LAP3: variants seen among roughly 807,000 people sequenced by gnomAD.
LAP3 encodes the protein cytosol aminopeptidase.
A neutral mutation model predicts 58.8 loss-of-function variants in LAP3; 46 were observed. The ratio of observed to expected loss-of-function variants is 0.78; its 90% CI spans 0.62 to 1.00. The LOEUF (loss-of-function observed/expected upper bound fraction) is 1.00. Ranked by LOEUF, LAP3 falls within the 50% of genes least tolerant of loss-of-function variation. The pLI, the probability that LAP3 is intolerant of heterozygous loss-of-function variation, is 0.00. For synonymous variants in LAP3, 257 were observed against 237.7 expected (o/e 1.08, Z -0.75); for missense variants, 615 against 659.1 (o/e 0.93, Z 0.73).
At chr4:17,599,763 C>T (rs1713941136) in intron 10 of LAP3, among the ~76,000 whole-genome samples, 2 of 147,406 alleles carry the variant, frequency 1.4e-5, no homozygotes, top group African/African-American at 2.5e-5. Context: ...GAAATAAAAA[C>T]ATTTTACCAG....
At chr4:17,581,287 C>G (rs1379976533) in intron 2 of LAP3, among the ~76,000 whole-genome samples, 1 of 152,232 alleles carries the variant, frequency 6.6e-6, no homozygotes, top group Non-Finnish European at 1.5e-5. Flanking sequence ...GTTTGAGATT[C>G]ATTCGGTTCA....
In LAP3 at chr4:17,579,845, T is replaced by A. The variant is rs1277410453; in HGVS notation, c.124T>A (p.Ser42Thr). Residue 42 changes from serine to threonine, a missense_variant, in exon 2 of 13, where the codon TCC (serine) becomes ACC (threonine). Physicochemically the swap from Ser to Thr is moderately conservative, Grantham distance 58. Transcript: ENST00000226299. ...MTKGLVLGIY[S>T]KEKEDDVPQF... Reference sequence around the variant, plus strand: ...CCAGGGCCTTGTTTTAGGAATCTATTCCAAAGAAAAAGAAGATGATGTGCC... The same window carrying A: ...CCAGGGCCTTGTTTTAGGAATCTATACCAAAGAAAAAGAAGATGATGTGCC... 6.2e-7 allele frequency: 1 copy of A among 1,608,734 alleles called. No homozygotes were observed. The highest frequency in any genetic ancestry group is 8.5e-7 in the Non-Finnish European group (1 of 1,176,780).
At chr4:17,597,681 C>CA (rs1262016830) in intron 9 of LAP3, among the ~76,000 whole-genome samples, 4 of 152,342 alleles carry the variant, frequency 2.6e-5, no homozygotes, top group African/African-American at 9.6e-5. Flanking sequence ...TGTGTATACA[C>CA]ACGTTTCCAT....
intron 10 of LAP3, among the ~76,000 whole-genome samples, chr4:17,598,988 T>G (rs930457036): frequency 1.3e-5 from 2 of 152,160 alleles, no homozygotes; most frequent in African/African-American, 4.8e-5. Flanking sequence ...TCCACCCGCC[T>G]CAGCCTCCCA....
Position 17,579,846 on chromosome 4 carries a change from C to G in LAP3, c.125C>G (p.Ser42Cys). ...CAGGGCCTTGTTTTAGGAATCTATT[C>G]CAAAGAAAAAGAAGATGATGTGCCA... ...MTKGLVLGIY[S>C]KEKEDDVPQF... Residue 42 changes from serine to cysteine, a missense_variant, in exon 2 of 13, where the codon TCC becomes TGC. Transcript: ENST00000226299. 6.2e-7 allele frequency: 1 copy of G among 1,606,852 alleles called. No homozygotes were observed. The highest frequency in any genetic ancestry group is 8.5e-7 in the Non-Finnish European group (1 of 1,175,640).
chr4:17,605,553 G>T (rs1363395756), intron 11 of LAP3, among the ~76,000 whole-genome samples: 1 of 146,828 alleles, frequency 6.8e-6, no homozygotes, highest in Non-Finnish European at 1.5e-5. Flanking sequence ...AGTGGGAGGG[G>T]AGACAAACAT....
chr4:17,583,203 A>C (rs191645458), intron 4 of LAP3, among the ~76,000 whole-genome samples: 43 of 152,358 alleles, frequency 2.8e-4, no homozygotes, highest in African/African-American at 8.7e-4. Flanking sequence ...AATCCTAGGA[A>C]TAATTGCCAC....
At position 17,607,680 on chromosome 4, in the gene LAP3, G is replaced by A; in HGVS notation, c.*91G>A. On this transcript the variant is annotated 3_prime_UTR_variant, in exon 13 of 13. Transcript: ENST00000226299. ...ATAAATGGATGAAAATCTTTTAACG[G>A]AGACAAAGGATGGTATTTAAAAATG... 3.1e-6 allele frequency: 3 copies of A among 977,320 alleles called. No individual in the cohort carries two copies. The Admixed American group carries it at 9.0e-5, about 29-fold the overall frequency. The allele number at this position is 977,320 out of a possible 1,614,324, so 60.5% of individuals were successfully genotyped here.
At position 17,593,585 on chromosome 4, in the gene LAP3, A is replaced by G. The variant is rs549532925; in HGVS notation, c.864-1825A>G. 5.3e-5 allele frequency among the ~76,000 whole-genome samples: 7 copies of G among 131,352 alleles called. No homozygotes were observed. The South Asian group carries it at 1.2e-3, about 23-fold the overall frequency. 86.2% of individuals were successfully genotyped at this position (131,352 alleles called of 152,430 possible). On this transcript the variant is annotated intron_variant, in intron 7 of 12. Coordinates refer to ENST00000226299, the MANE Select transcript of LAP3 (RefSeq NM_015907.3). Reference sequence around the variant, plus strand: ...CTTTGGCTACATCCTTTGCATCTTCATATACATTTTAGAATCTGCTTGGGT... The same window carrying G: ...CTTTGGCTACATCCTTTGCATCTTCGTATACATTTTAGAATCTGCTTGGGT...
intron 4 of LAP3, 190 bp from the exon 5 acceptor site, chr4:17,583,293 G>A: frequency 1.6e-6 from 1 of 639,722 alleles, no homozygotes; most frequent in Non-Finnish European, 2.8e-6. Context: ...TGGGAGTGAG[G>A]TACTTGCTGT....
At chr4:17,581,739 G>T (rs747637522) in intron 2 of LAP3, 21 bp from the exon 3 acceptor site, 10 of 1,607,200 alleles carry the variant, frequency 6.2e-6, no homozygotes, top group Non-Finnish European at 8.5e-6. Flanking sequence ...GTTTTAAAAC[G>T]ACTATTTCCT....
intron 10 of LAP3, 111 bp downstream of exon 10, chr4:17,598,669 G>A (rs1713894427): frequency 1.4e-6 from 1 of 696,240 alleles, no homozygotes; most frequent in Admixed American, 2.4e-5. Context: ...TTGGTCCATT[G>A]GCATTCAAAG....
rs1026526429 is a variant in LAP3, at chr4:17,577,407, C to T, written c.-59C>T. ...CCCGAAAGCCCCGCCCCAAGGCGCG[C>T]CCGCCCACCGCTCTCCACGTGCTCG... is the stretch of plus-strand genomic sequence containing the variant. On this transcript the variant is annotated 5_prime_UTR_variant, in exon 1 of 13. Transcript: ENST00000226299. The T allele has an allele frequency of 7.4e-6, 10 of 1,354,316 alleles. No individual in the cohort carries two copies. Among genetic ancestry groups the T allele is most frequent in the African/African-American group, 1.5e-5 (1 of 65,158 alleles). The allele number at this position is 1,354,316 out of a possible 1,614,324, so 83.9% of individuals were successfully genotyped here.
intron 11 of LAP3, among the ~76,000 whole-genome samples, chr4:17,606,507 T>G (rs1714145011): frequency 6.6e-6 from 1 of 151,978 alleles, no homozygotes; most frequent in South Asian, 2.1e-4. Context: ...CCCAGCTAAT[T>G]TTTTGCATTT....
At chr4:17,587,426 GTTGTTTT>G (rs1176015588) in intron 6 of LAP3, 23 of 78,212 alleles carry the variant, frequency 2.9e-4, no homozygotes, top group South Asian at 1.4e-3. Flanking sequence ...CCTTGTTGTT[GTTGTTTT>G]TTTTTTTTTT....
chr4:17,590,923 C>CTT lies in LAP3; in HGVS notation c.863+1970_863+1971dup, dbSNP rs533480552. Among the ~76,000 whole-genome samples the CTT allele has an allele frequency of 1.1e-3, 86 of 81,100 alleles. 1 individual carries two copies. The highest frequency in any genetic ancestry group is 7.6e-3 in the Middle Eastern group (1 of 132). 53.2% of individuals were successfully genotyped at this position (81,100 alleles called of 152,430 possible). On this transcript the variant is annotated intron_variant, in intron 7 of 12. Transcript: ENST00000226299. ...AGCAAACACAATTTAGAAAGTTAAA[C>CTT]TTTTTTTTTTTTTTTTTTTTTTTTT...
chr4:17,590,888 A>C (rs1046861588), intron 7 of LAP3, among the ~76,000 whole-genome samples: 6 of 151,644 alleles, frequency 4.0e-5, no homozygotes, highest in Admixed American at 3.3e-4. Context: ...GTGTATTATA[A>C]AAACAATACA....
At chr4:17,603,926 A>C (rs1714046134) in intron 10 of LAP3, among the ~76,000 whole-genome samples, 1 of 147,950 alleles carries the variant, frequency 6.8e-6, no homozygotes, top group Non-Finnish European at 1.5e-5. Context: ...TCCTGGGTTC[A>C]AGCAATTCTC....
chr4:17,582,030 G>A (rs1266087557), intron 3 of LAP3: 6 of 591,026 alleles, frequency 1.0e-5, no homozygotes, highest in Non-Finnish European at 1.8e-5. Flanking sequence ...TCCGGTTGTG[G>A]CTCTGGCTTA....
Sources: allele counts gnomAD v4.1 joint callset (sites outside exome capture counted in the v4.1 genomes callset), GRCh38; gene constraint gnomAD v4.1.1; transcripts MANE v1.5; gene names NCBI Gene and HGNC (gene_info 2026-07-23, HGNC 2026-07-21).